Variants in UBE3A observed in about 807,000 individuals in gnomAD.
UBE3A encodes the protein ubiquitin-protein ligase E3A.
UBE3A carries 6 observed loss-of-function variants against 83.4 expected under a neutral mutation model. The observed-to-expected ratio is 0.07, with a 90% CI of 0.04 to 0.14. The LOEUF (loss-of-function observed/expected upper bound fraction) is 0.14. UBE3A is among the 10% of genes least tolerant of loss of function. The probability of loss-of-function intolerance (pLI) is 1.00; values close to 1 mark genes in which losing one functional copy is unlikely to be tolerated. For synonymous variants in UBE3A, 337 were observed against 355.4 expected (o/e 0.95, Z 0.58); for missense variants, 456 against 1,036.1 (o/e 0.44, Z 7.69).
intron 11 of UBE3A, among the ~76,000 whole-genome samples, chr15:25,352,525 T>C (rs1224434611): frequency 6.6e-6 from 1 of 152,240 alleles, no homozygotes; most frequent in Admixed American, 6.5e-5. Flanking sequence ...ATTATCTTAA[T>C]TTAAAATCAT....
chr15:25,417,291 A>G (rs1042372887), intron 1 of UBE3A, among the ~76,000 whole-genome samples: 3 of 152,156 alleles, frequency 2.0e-5, no homozygotes, highest in African/African-American at 4.8e-5. Flanking sequence ...ACAAACTCCA[A>G]TGTAGCCCTG....
chr15:25,407,641 T>TG (rs1417147263), intron 3 of UBE3A: 4 of 152,428 alleles, frequency 2.6e-5, no homozygotes, highest in African/African-American at 9.6e-5. Context: ...TAAAAACCAT[T>TG]GATAAGACAA....
At chr15:25,377,559 C>T (rs1438216144) in intron 4 of UBE3A, among the ~76,000 whole-genome samples, 1 of 151,912 alleles carries the variant, frequency 6.6e-6, no homozygotes, top group Admixed American at 6.6e-5. Context: ...ATATTGCTAC[C>T]CTTCAGTAAA....
intron 3 of UBE3A, chr15:25,408,844 AG>A: frequency 1.3e-6 from 1 of 770,584 alleles, no homozygotes; most frequent in East Asian, 2.7e-5. Context: ...AAAACCTTGA[AG>A]TTTTTTTGAG....
intron 5 of UBE3A, chr15:25,373,440 C>G (rs948422045): frequency 6.6e-6 from 1 of 152,124 alleles, no homozygotes; most frequent in African/African-American, 2.4e-5. Flanking sequence ...GTCTACTAAT[C>G]CTATATAGAA....
intron 11 of UBE3A, chr15:25,346,906 C>G (rs559956911): frequency 1.3e-5 from 2 of 152,050 alleles, no homozygotes; most frequent in Admixed American, 6.5e-5. Context: ...AAAAGAGTGA[C>G]GCTGAAAGAA....
At chr15:25,346,073 C>T (rs2075638470) in intron 11 of UBE3A, 1 of 152,216 alleles carries the variant, frequency 6.6e-6, no homozygotes, top group African/African-American at 2.4e-5. Flanking sequence ...GCAGTGTTCA[C>T]CTTTCCTGCA....
At chr15:25,405,242 C>T (rs1437436895) in intron 4 of UBE3A, among the ~76,000 whole-genome samples, 1 of 152,022 alleles carries the variant, frequency 6.6e-6, no homozygotes, top group Non-Finnish European at 1.5e-5. Context: ...AGAATTTAGG[C>T]GTGTGCATTT....
chr15:25,378,934 T>C (rs1192408528), intron 4 of UBE3A, among the ~76,000 whole-genome samples: 4 of 152,262 alleles, frequency 2.6e-5, no homozygotes, highest in Admixed American at 1.3e-4. Context: ...CTATGTGCTA[T>C]GCATTTTATA....
chr15:25,393,340 CA>C (rs1441150896), intron 4 of UBE3A, among the ~76,000 whole-genome samples: 1 of 152,144 alleles, frequency 6.6e-6, no homozygotes, highest in Non-Finnish European at 1.5e-5. Flanking sequence ...AAGCGTTCAT[CA>C]GCATTTAGTA....
chr15:25,374,359 T>C (rs1031219559), intron 5 of UBE3A: 1 of 152,350 alleles, frequency 6.6e-6, no homozygotes, highest in South Asian at 2.1e-4. Context: ...GCTGGCTGCA[T>C]TCCACTGTGC....
rs1332154535 is a variant in UBE3A, at chr15:25,334,514, G to A, written c.*4623C>T. The A allele has an allele frequency of 1.3e-5, 2 of 150,848 alleles. No individual in the cohort carries two copies. Among genetic ancestry groups the A allele is most frequent in the Non-Finnish European group, 2.9e-5 (2 of 67,914 alleles). 9.3% of individuals were successfully genotyped at this position (150,848 alleles called of 1,614,324 possible). ...ACCAATTCAACTAAATCCCTATCAA[G>A]ATCCCAGCTGTTTTGCAGGAATTGA... On this transcript the variant is annotated 3_prime_UTR_variant, in exon 13 of 13. Transcript: ENST00000648336.
intron 6 of UBE3A, among the ~76,000 whole-genome samples, chr15:25,363,012 T>C (rs896231247): frequency 6.6e-6 from 1 of 152,148 alleles, no homozygotes; most frequent in Non-Finnish European, 1.5e-5. Context: ...AAGGATGTGG[T>C]GGTGAATTTC....
At chr15:25,361,424 C>T (rs1196219952) in intron 6 of UBE3A, among the ~76,000 whole-genome samples, 1 of 152,016 alleles carries the variant, frequency 6.6e-6, no homozygotes, top group Non-Finnish European at 1.5e-5. Flanking sequence ...GCACCCAGCC[C>T]TTATTCTTAA....
At position 25,342,417 on chromosome 15, in the gene UBE3A, C is replaced by T. The variant is rs138387999; in HGVS notation, c.2355-2189G>A. Among the ~76,000 whole-genome samples the T allele has an allele frequency of 4.0e-3, 610 of 151,872 alleles. 8 individuals are homozygous for T. The highest frequency in any genetic ancestry group is 0.014 in the African/African-American group (586 of 41,330). On this transcript the variant is annotated intron_variant, in intron 11 of 12. Coordinates refer to ENST00000648336, the MANE Select transcript of UBE3A (RefSeq NM_130839.5). ...TGTTTCTTTGGACTTTTAAACGAAA[C>T]CTTTAAAAATTTTATACAATGAAAA...
rs944109076 is a variant in UBE3A at position 25,371,860 on chromosome 15, T to C, written c.362-48A>G. ...AGAACATTTATTTTCATAATATGTA[T>C]GTTTACTCTGTTGCAAAAAGTTCTA... is the stretch of plus-strand genomic sequence containing the variant. On this transcript the variant is annotated intron_variant, in intron 5 of 12. Coordinates refer to ENST00000648336, the MANE Select transcript of UBE3A (RefSeq NM_130839.5). The surrounding 1 kb of genome is among the most constrained non-coding windows in gnomAD (Gnocchi z 5.3). 5.8e-6 allele frequency: 9 copies of C among 1,551,118 alleles called. No individual in the cohort carries two copies. The highest frequency in any genetic ancestry group is 4.1e-5 in the African/African-American group (3 of 72,588).
chr15:25,390,910 C>A (rs1372961814), intron 4 of UBE3A, among the ~76,000 whole-genome samples: 1 of 151,068 alleles, frequency 6.6e-6, no homozygotes, highest in African/African-American at 2.4e-5. Context: ...CTGTACCTTC[C>A]TCTCAATTCT....
At chr15:25,393,926 CCTT>C (rs2084962130) in intron 4 of UBE3A, 1 of 152,154 alleles carries the variant, frequency 6.6e-6, no homozygotes, top group Admixed American at 6.5e-5. Flanking sequence ...TTTTTTCACA[CCTT>C]CTCCCATCAG....
At chr15:25,362,651 A>G (rs1368912813) in intron 6 of UBE3A, among the ~76,000 whole-genome samples, 1 of 152,220 alleles carries the variant, frequency 6.6e-6, no homozygotes, top group Non-Finnish European at 1.5e-5. Context: ...GGGGAAAAAA[A>G]TAGTTTCAGT....
Sources: allele counts gnomAD v4.1 joint callset (sites outside exome capture counted in the v4.1 genomes callset), GRCh38; gene constraint gnomAD v4.1.1; non-coding constraint Gnocchi (gnomAD v3.1); transcripts MANE v1.5; gene names NCBI Gene and HGNC (gene_info 2026-07-23, HGNC 2026-07-21).